The following BABAM2 variants were observed in gnomAD, a reference collection of about 807,000 sequenced individuals.
The protein encoded by BABAM2 is BRISC and BRCA1-A complex member 2.
A neutral mutation model predicts 54.7 loss-of-function variants in BABAM2; 31 were observed. The ratio of observed to expected loss-of-function variants is 0.57; its 90% CI spans 0.43 to 0.77. BABAM2 has a LOEUF of 0.77. Among genes scored for constraint, BABAM2 ranks in the 30% least tolerant of loss-of-function variants. The pLI is 0.00. For synonymous variants in BABAM2, 167 were observed against 162.9 expected, an observed-to-expected ratio of 1.03 and a Z score of -0.19; for missense variants, 364 against 455.8, an observed-to-expected ratio of 0.80 and a Z score of 1.83.
chr2:27,955,430 T>A (rs888561578), intron 3 of BABAM2, among the ~76,000 whole-genome samples: 8 of 152,176 alleles, frequency 5.3e-5, no homozygotes, highest in African/African-American at 1.9e-4. Flanking sequence ...AACAAAAAAC[T>A]TCAAACTTTG....
intron 2 of BABAM2, among the ~76,000 whole-genome samples, chr2:27,915,913 C>G (rs1666935091): frequency 6.6e-6 from 1 of 152,158 alleles, no homozygotes; most frequent in Non-Finnish European, 1.5e-5. Context: ...CACTGGTTTT[C>G]CATCTATTCT....
chr2:27,932,671 A>G (rs770964213), intron 3 of BABAM2, among the ~76,000 whole-genome samples: 3 of 152,182 alleles, frequency 2.0e-5, no homozygotes, highest in African/African-American at 4.8e-5. Flanking sequence ...GGGGGTACGT[A>G]TATAGACTAT....
intron 2 of BABAM2, chr2:27,896,833 G>T: frequency 4.6e-6 from 1 of 217,864 alleles, no homozygotes; most frequent in South Asian, 5.7e-5. Context: ...TTGCTCAGCT[G>T]GGTCCGCCAT....
chr2:28,065,531 G>A (rs925229332), intron 6 of BABAM2, among the ~76,000 whole-genome samples: 3 of 152,134 alleles, frequency 2.0e-5, no homozygotes, highest in Admixed American at 2.0e-4. Flanking sequence ...CACACACACA[G>A]CTTGAAGGAG....
intron 10 of BABAM2, among the ~76,000 whole-genome samples, chr2:28,295,835 C>A (rs542916140): frequency 2.5e-4 from 38 of 150,722 alleles, no homozygotes; most frequent in African/African-American, 8.0e-4. Flanking sequence ...AGAAGAGGCG[C>A]GGTGGTTCAC....
chr2:28,259,074 CTTTTTTTTTTTT>C (rs70956009), intron 10 of BABAM2, among the ~76,000 whole-genome samples: 12 of 23,438 alleles, frequency 5.1e-4, no homozygotes, highest in East Asian at 1.9e-3. Flanking sequence ...TGCACCTGGC[CTTTTTTTTTTTT>C]TTTTTTTTTT....
intron 4 of BABAM2, among the ~76,000 whole-genome samples, chr2:27,997,928 G>A (rs376446630): frequency 6.6e-6 from 1 of 152,162 alleles, no homozygotes; most frequent in Admixed American, 6.5e-5. Flanking sequence ...GCTGAGGTGG[G>A]TGGATCATGA....
chr2:28,261,134 G>A (rs986413131), intron 10 of BABAM2, among the ~76,000 whole-genome samples: 2 of 151,490 alleles, frequency 1.3e-5, no homozygotes, highest in Non-Finnish European at 2.9e-5. Context: ...TAGAGACAGG[G>A]TTTCACCATA....
intron 4 of BABAM2, among the ~76,000 whole-genome samples, chr2:27,993,402 A>C (rs907691580): frequency 5.3e-5 from 8 of 152,212 alleles, no homozygotes; most frequent in African/African-American, 1.7e-4. Flanking sequence ...TTTAAAAAGT[A>C]GAAAAAAAAT....
chr2:28,109,876 A>T (rs556115969), intron 6 of BABAM2, among the ~76,000 whole-genome samples: 1 of 152,266 alleles, frequency 6.6e-6, no homozygotes, highest in African/African-American at 2.4e-5. Context: ...TTGTGGTAAA[A>T]TATATATAAC....
chr2:27,945,011 T>A (rs886826807), intron 3 of BABAM2, among the ~76,000 whole-genome samples: 28 of 151,410 alleles, frequency 1.8e-4, no homozygotes, highest in Non-Finnish European at 3.8e-4. Context: ...TTTTTTTTTT[T>A]AAAGACAGGG....
intron 6 of BABAM2, among the ~76,000 whole-genome samples, chr2:28,056,782 T>G (rs1911128): frequency 0.73 from 111,091 of 152,112 alleles, 41,730 homozygotes; most frequent in Middle Eastern, 0.89. Context: ...CACTAATACA[T>G]ATGAACATAG....
intron 10 of BABAM2, 77 bp from the exon 11 acceptor site, chr2:28,298,261 T>C: frequency 6.8e-7 from 1 of 1,476,130 alleles, no homozygotes; most frequent in East Asian, 2.3e-5. Context: ...GTACCTAACA[T>C]TCGGATTTAG....
At chr2:28,118,204 A>G (rs2148744090) in intron 6 of BABAM2, among the ~76,000 whole-genome samples, 1 of 152,350 alleles carries the variant, frequency 6.6e-6, no homozygotes, top group East Asian at 1.9e-4. Context: ...TCTTTATAGT[A>G]GAATGATTTA....
rs191617695 is a variant in BABAM2, at chr2:28,133,352, T to C, written c.680+3972T>C. On this transcript the variant is annotated intron_variant, in intron 7 of 11. Coordinates refer to ENST00000379624, the MANE Select transcript of BABAM2 (RefSeq NM_199191.3). The stretch of plus-strand genomic sequence containing the variant: ...CAAGCATTGATTATCGATTCAGACT[T>C]GGAGAGTTCTTTCAGGAGTCATGGG... Among the ~76,000 whole-genome samples the C allele has an allele frequency of 5.3e-5, 8 of 152,324 alleles. No individual in the cohort carries two copies. In the East Asian group the frequency reaches 1.5e-3, roughly 29 times the overall value.
intron 3 of BABAM2, among the ~76,000 whole-genome samples, chr2:27,931,409 T>C (rs1414979361): frequency 2.0e-5 from 3 of 152,198 alleles, no homozygotes; most frequent in Admixed American, 6.5e-5. Flanking sequence ...ATGATCTCCA[T>C]ATCTTTAAAT....
intron 5 of BABAM2, among the ~76,000 whole-genome samples, chr2:28,037,279 A>G (rs1351998821): frequency 6.6e-6 from 1 of 152,160 alleles, no homozygotes; most frequent in African/African-American, 2.4e-5. Flanking sequence ...GCAAATACTA[A>G]TATATATTCC....
chr2:28,033,817 A>G (rs1447644059), intron 5 of BABAM2, among the ~76,000 whole-genome samples: 1 of 149,432 alleles, frequency 6.7e-6, no homozygotes, highest in Non-Finnish European at 1.5e-5. Context: ...TTTTTGAGAT[A>G]TGAAATGTAA....
chr2:28,109,647 T>C (rs1368917494), intron 6 of BABAM2, among the ~76,000 whole-genome samples: 1 of 152,186 alleles, frequency 6.6e-6, no homozygotes, highest in African/African-American at 2.4e-5. Context: ...ACAGCTTCAC[T>C]GATATCACTG....
Sources: allele counts gnomAD v4.1 joint callset (sites outside exome capture counted in the v4.1 genomes callset), GRCh38; gene constraint gnomAD v4.1.1; transcripts MANE v1.5; gene names NCBI Gene and HGNC (gene_info 2026-07-23, HGNC 2026-07-21).